Variants in SKOR2 observed in about 807,000 individuals in gnomAD.
The protein encoded by SKOR2 is LBX1 corepressor 1-like protein.
A neutral mutation model predicts 69.1 loss-of-function variants in SKOR2; 47 were observed. That is an observed-to-expected ratio of 0.68 (90% CI 0.54 to 0.87). The LOEUF is 0.87. Among genes scored for constraint, SKOR2 ranks in the 40% least tolerant of loss-of-function variants. SKOR2 has a pLI of 0.00. For missense variants in SKOR2, 1,404 were observed against 1,472.2 expected (o/e 0.95, Z 0.76); for synonymous variants, 717 against 672.6 (o/e 1.07, Z -1.02).
Position 47,243,454 on chromosome 18 carries a change from T to C in SKOR2, c.2752+1454A>G, listed in dbSNP as rs187269143. Among the ~76,000 whole-genome samples the C allele has an allele frequency of 1.2e-4, 18 of 152,346 alleles. No homozygotes were observed. In the East Asian group the frequency reaches 3.5e-3, roughly 29 times the overall value. ...TATCAAACAAACAAAAGCAACTGAC[T>C]ATCTAGAAATGTCTGGGAAATGGCA... is the stretch of plus-strand genomic sequence containing the variant. On this transcript the variant is annotated intron_variant, in intron 4 of 8. Transcript: ENST00000425639.
At position 47,246,694 on chromosome 18, in the gene SKOR2, G is replaced by T; in HGVS notation, c.2490C>A (p.Gly830=). The T allele has an allele frequency of 6.8e-7, 1 of 1,468,870 alleles. No individual in the cohort carries two copies. Among genetic ancestry groups the T allele is most frequent in the South Asian group, 1.3e-5 (1 of 75,640 alleles). The allele number at this position is 1,468,870 out of a possible 1,614,324, so 91.0% of individuals were successfully genotyped here. A position where few individuals can be genotyped will look rare whatever the true frequency, so the allele number is the denominator to read the frequency against. The change falls in exon 2 of 9, where the codon GGC becomes GGA. Residue 830 remains glycine, a synonymous_variant. Transcript: ENST00000425639. ...LQEDGKLGDP[G]SDLPPPPPPP... ...GCGGCGGGGGCGGGGGCAGGTCCGA[G>T]CCGGGGTCCCCGAGTTTCCCGTCTT... is the stretch of plus-strand genomic sequence containing the variant.
chr18:47,247,072 C>T lies in SKOR2; in HGVS notation c.2112G>A (p.Pro704=), dbSNP rs1360559277. ...GGTGCGGGTGCTGGGCCAGAGGGGG[C>T]GGCGGGGGCGGCGGCGGCGGCGGCG... ...APPPPPPPPP[P]PPLAQHPHHR... The change falls in exon 2 of 9, where the codon CCG becomes CCA. Residue 704 remains proline (P), a synonymous_variant. Transcript: ENST00000425639. The surrounding 1 kb of genome is among the most constrained non-coding windows in gnomAD (Gnocchi z 6.6). 6 of 696,314 alleles carry T rather than the reference C, an allele frequency of 8.6e-6. No homozygotes were observed. The highest frequency in any genetic ancestry group is 6.5e-5 in the African/African-American group (3 of 45,812). The allele number at this position is 696,314 out of a possible 1,614,324, so 43.1% of individuals were successfully genotyped here.
At chr18:47,231,115 G>T (rs1353015144) in intron 4 of SKOR2, 115 bp from the exon 5 acceptor site, 8 of 1,535,600 alleles carry the variant, frequency 5.2e-6, no homozygotes, top group Non-Finnish European at 7.0e-6. Context: ...ACCTGAAATT[G>T]GAAGTCCTCA....
chr18:47,245,478 A>ATTTTTTTTTTTTC lies in SKOR2; in HGVS notation c.2677+19_2677+20insGAAAAAAAAAAAA. 3 of 1,194,640 alleles carry ATTTTTTTTTTTTC rather than the reference A, an allele frequency of 2.5e-6. 1 individual carries two copies. In the African/African-American group the frequency reaches 7.0e-5, roughly 28 times the overall value. The allele number at this position is 1,194,640 out of a possible 1,614,324, so 74.0% of individuals were successfully genotyped here. A position where few individuals can be genotyped will look rare whatever the true frequency, so the allele number is the denominator to read the frequency against. On this transcript the variant is annotated intron_variant, in intron 3 of 8. Coordinates refer to ENST00000425639, the MANE Select transcript of SKOR2 (RefSeq NM_001278063.4). The stretch of plus-strand genomic sequence containing the variant: ...ATGCAGGCAAGAAAAGTGGCAGCTG[A>ATTTTTTTTTTTTC]TTTTTTTTTTTTTTTTTACCTGAAA...
chr18:47,226,871 A>G lies in SKOR2; in HGVS notation c.2917+3588T>C, dbSNP rs76693747. 7.3e-3 allele frequency among the ~76,000 whole-genome samples: 1,108 copies of G among 152,230 alleles called. 10 individuals carry two copies. The highest frequency in any genetic ancestry group is 0.026 in the African/African-American group (1,061 of 41,532). The stretch of plus-strand genomic sequence containing the variant: ...TATAGTGTTGAAAAGAGATCAGGGA[A>G]TTTTCCTAAGGTTACTCAGCCAGTG... On this transcript the variant is annotated intron_variant, in intron 6 of 8. Coordinates refer to ENST00000425639, the MANE Select transcript of SKOR2 (RefSeq NM_001278063.4).
intron 7 of SKOR2, among the ~76,000 whole-genome samples, chr18:47,215,785 A>C (rs1420683585): frequency 6.6e-6 from 1 of 152,188 alleles, no homozygotes; most frequent in Non-Finnish European, 1.5e-5. Context: ...GCCTTGTGGT[A>C]GTGATCTGAC....
intron 8 of SKOR2, among the ~76,000 whole-genome samples, chr18:47,208,759 C>A (rs2064119786): frequency 6.6e-6 from 1 of 152,100 alleles, no homozygotes. Flanking sequence ...ATGCCTGCAA[C>A]ATTTTGAAGT....
chr18:47,248,317 C>T lies in SKOR2; in HGVS notation c.867G>A (p.Pro289=), dbSNP rs538819920. 509 of 1,200,272 alleles carry T rather than the reference C, an allele frequency of 4.2e-4. 6 individuals carry two copies. In the South Asian group the frequency reaches 0.019, roughly 44 times the overall value. The allele number at this position is 1,200,272 out of a possible 1,614,324, so 74.4% of individuals were successfully genotyped here. ...PHLLGAPPPP[P]PPPPPLAELA... ...GCTCTGCCAAGGGCGGCGGTGGCGG[C>T]GGCGGCGGCGGGGGCGCACCCAGCA... is the stretch of plus-strand genomic sequence containing the variant. Residue 289 remains proline, a synonymous_variant, in exon 2 of 9, where the codon CCG becomes CCA. Transcript: ENST00000425639. The surrounding 1 kb of genome is among the most constrained non-coding windows in gnomAD (Gnocchi z 6.4).
At chr18:47,231,182 G>A (rs971210934) in intron 4 of SKOR2, 182 bp from the exon 5 acceptor site, 3 of 1,535,822 alleles carry the variant, frequency 2.0e-6, no homozygotes, top group Non-Finnish European at 2.6e-6. Flanking sequence ...ACGGAGGGGA[G>A]GTGCAGAAAA....
At chr18:47,211,239 G>A (rs2064126887) in intron 8 of SKOR2, among the ~76,000 whole-genome samples, 1 of 152,134 alleles carries the variant, frequency 6.6e-6, no homozygotes, top group Non-Finnish European at 1.5e-5. Flanking sequence ...GATGGGAATG[G>A]ATCAAACTGA....
Position 47,248,451 on chromosome 18 carries a change from G to T in SKOR2, c.733C>A (p.Pro245Thr), listed in dbSNP as rs2144519398. 1 of 1,535,646 alleles carries T rather than the reference G, an allele frequency of 6.5e-7. No individual in the cohort carries two copies. Among genetic ancestry groups the T allele is most frequent in the South Asian group, 1.2e-5 (1 of 84,046 alleles). Residue 245 changes from proline to threonine, a missense_variant, in exon 2 of 9, where the codon CCC (proline) becomes ACC (threonine). Transcript: ENST00000425639. The surrounding 1 kb of genome is among the most constrained non-coding windows in gnomAD (Gnocchi z 6.4). Reference protein sequence around the residue: ...FNGGSRKRALPQPGAHPACHP... With the variant: ...FNGGSRKRALTQPGAHPACHP... ...CAGGCGGGGTGCGCGCCCGGCTGGG[G>T]CAGTGCGCGCTTGCGGCTGCCGCCG... is the stretch of plus-strand genomic sequence containing the variant.
At position 47,218,651 on chromosome 18, in the gene SKOR2, A is replaced by C. The variant is rs546734407; in HGVS notation, c.2985+1292T>G. On this transcript the variant is annotated intron_variant, in intron 7 of 8. Transcript: ENST00000425639. ...CTTTGTAAAATAAGGAAGGTGTTAA[A>C]ATTTTATATTCCCCTACATCGAATC... Among the ~76,000 whole-genome samples the C allele has an allele frequency of 2.6e-4, 39 of 151,830 alleles. 1 individual carries two copies. The South Asian group carries it at 7.7e-3, about 30-fold the overall frequency.
At chr18:47,221,525 A>T (rs1274594088) in intron 6 of SKOR2, among the ~76,000 whole-genome samples, 1 of 152,196 alleles carries the variant, frequency 6.6e-6, no homozygotes, top group Non-Finnish European at 1.5e-5. Flanking sequence ...TCAACTATGC[A>T]TTATACTTCC....
intron 8 of SKOR2, among the ~76,000 whole-genome samples, chr18:47,210,750 A>G (rs2064125426): frequency 6.6e-6 from 1 of 152,220 alleles, no homozygotes; most frequent in African/African-American, 2.4e-5. Flanking sequence ...ATAACTTCAT[A>G]GAGATGGAAA....
rs1868261770 is a variant in SKOR2, at chr18:47,247,605, G to A, written c.1579C>T (p.Pro527Ser). The change falls in exon 2 of 9, where the codon CCC becomes TCC. Residue 527 changes from proline (P) to serine (S), a missense_variant. Transcript: ENST00000425639. The surrounding 1 kb of genome is among the most constrained non-coding windows in gnomAD (Gnocchi z 6.6). ...GGAAGSAEAA[P>S]PPGQPPQVVA... The stretch of plus-strand genomic sequence containing the variant: ...ACCTGCGGGGGCTGCCCCGGCGGGG[G>A]CGCGGCCTCGGCGCTCCCAGCAGCA... 3 of 1,273,944 alleles carry A rather than the reference G, an allele frequency of 2.4e-6. No individual in the cohort carries two copies. The highest frequency in any genetic ancestry group is 3.1e-5 in the African/African-American group (2 of 64,376). The allele number at this position is 1,273,944 out of a possible 1,614,324, so 78.9% of individuals were successfully genotyped here.
intron 1 of SKOR2, among the ~76,000 whole-genome samples, chr18:47,249,697 C>A (rs1288348385): frequency 6.6e-6 from 1 of 152,106 alleles, no homozygotes; most frequent in Admixed American, 6.5e-5. Context: ...AAAAAGTAAC[C>A]CCCAAAACCC....
intron 6 of SKOR2, among the ~76,000 whole-genome samples, chr18:47,220,453 T>C (rs2064157924): frequency 6.6e-6 from 1 of 151,884 alleles, no homozygotes; most frequent in Admixed American, 6.6e-5. Context: ...AAGATGTGAG[T>C]CTGTGAAAAA....
intron 4 of SKOR2, among the ~76,000 whole-genome samples, chr18:47,238,030 T>C (rs1482327146): frequency 2.0e-5 from 3 of 152,072 alleles, no homozygotes; most frequent in African/African-American, 7.2e-5. Flanking sequence ...CTTGGCTGTC[T>C]CCCTTTTAAA....
Position 47,247,005 on chromosome 18 carries a change from G to A in SKOR2, c.2179C>T (p.Pro727Ser). 1 of 1,496,698 alleles carries A rather than the reference G, an allele frequency of 6.7e-7. No homozygotes were observed. Among genetic ancestry groups the A allele is most frequent in the East Asian group, 2.8e-5 (1 of 35,274 alleles). 92.7% of individuals were successfully genotyped at this position (1,496,698 alleles called of 1,614,324 possible). The change falls in exon 2 of 9, where the codon CCC becomes TCC. Residue 727 changes from proline (P) to serine (S), a missense_variant. Coordinates refer to ENST00000425639, the MANE Select transcript of SKOR2 (RefSeq NM_001278063.4). The surrounding 1 kb of genome is among the most constrained non-coding windows in gnomAD (Gnocchi z 6.6). Reference protein sequence around the residue: ...LSPGGTSCCYPSEDSSEDEDD... With the variant: ...LSPGGTSCCYSSEDSSEDEDD... Reference sequence around the variant, plus strand: ...TCGTCCTCGGAGCTGTCCTCGCTGGGGTAGCAGCAGCTGGTTCCCCCGGGA... The same window carrying A: ...TCGTCCTCGGAGCTGTCCTCGCTGGAGTAGCAGCAGCTGGTTCCCCCGGGA...
Sources: allele counts gnomAD v4.1 joint callset (sites outside exome capture counted in the v4.1 genomes callset), GRCh38; gene constraint gnomAD v4.1.1; non-coding constraint Gnocchi (gnomAD v3.1); transcripts MANE v1.5; gene names NCBI Gene and HGNC (gene_info 2026-07-23, HGNC 2026-07-21).